Variants in DPP10 observed in about 807,000 individuals in gnomAD.
The protein encoded by DPP10 is dipeptidyl peptidase like 10.
In DPP10, 33 loss-of-function variants were observed where a neutral mutation model predicts 120.9. That is an observed-to-expected ratio of 0.27 (90% confidence interval 0.21 to 0.37). The LOEUF is 0.37. Among genes scored for constraint, DPP10 ranks in the 10% least tolerant of loss-of-function variants. DPP10 has a pLI of 1.00. For synonymous variants in DPP10, 337 were observed against 326.1 expected (o/e 1.03, Z -0.36); for missense variants, 816 against 942.8 (o/e 0.87, Z 1.76).
chr2:115,489,463 T>G (rs2075976883), intron 3 of DPP10, among the ~76,000 whole-genome samples: 1 of 152,000 alleles, frequency 6.6e-6, no homozygotes, highest in African/African-American at 2.4e-5. Context: ...CTTTTGGAAT[T>G]TAAGCACAAC....
chr2:114,593,045 C>A (rs978610831), intron 1 of DPP10, among the ~76,000 whole-genome samples: 4 of 152,126 alleles, frequency 2.6e-5, no homozygotes, highest in Admixed American at 6.6e-5. Context: ...CAAAAAAATG[C>A]TTTTTCTCTC....
In DPP10 at chr2:114,848,579, G is replaced by A. The variant is rs1232421135; in HGVS notation, c.60+405741G>A. Among the ~76,000 whole-genome samples, 7 of 152,114 alleles carry A rather than the reference G, an allele frequency of 4.6e-5. No homozygotes were observed. The South Asian group carries it at 8.3e-4, about 18-fold the overall frequency. ...ATATTTCACATTTTTGAGATTCAAC[G>A]ACATTGAATCACATAGATACGACTA... On this transcript the variant is annotated intron_variant, in intron 1 of 25. Coordinates refer to ENST00000410059, the MANE Select transcript of DPP10 (RefSeq NM_020868.6).
chr2:114,664,127 T>C (rs1697707733), intron 1 of DPP10, among the ~76,000 whole-genome samples: 1 of 152,054 alleles, frequency 6.6e-6, no homozygotes, highest in African/African-American at 2.4e-5. Flanking sequence ...CATGAGAAAC[T>C]GAATTTCAAT....
At chr2:115,823,790 T>C (rs1688041145) in intron 21 of DPP10, among the ~76,000 whole-genome samples, 2 of 152,204 alleles carry the variant, frequency 1.3e-5, no homozygotes, top group African/African-American at 2.4e-5. Flanking sequence ...GCCATAAATA[T>C]GTTGTTCTCA....
chr2:115,555,833 A>G (rs2008497), intron 5 of DPP10, among the ~76,000 whole-genome samples: 147,277 of 152,030 alleles, frequency 0.97, 71,510 homozygotes, highest in East Asian at 1. Context: ...AATAAATCGT[A>G]TAACCTATTA....
chr2:115,153,487 C>T (rs13420569), intron 1 of DPP10, among the ~76,000 whole-genome samples: 14,180 of 152,184 alleles, frequency 0.093, 2,188 homozygotes, highest in African/African-American at 0.32. Flanking sequence ...CTTCTGCATT[C>T]GCTCACATAG....
intron 1 of DPP10, among the ~76,000 whole-genome samples, chr2:115,184,619 G>A (rs1310832466): frequency 1.3e-5 from 2 of 152,156 alleles, no homozygotes; most frequent in African/African-American, 4.8e-5. Context: ...AATGACCCAG[G>A]CTAATATTGG....
intron 1 of DPP10, among the ~76,000 whole-genome samples, chr2:114,497,019 A>G (rs1017915847): frequency 6.7e-6 from 1 of 149,640 alleles, no homozygotes; most frequent in African/African-American, 2.4e-5. Flanking sequence ...TAATATGTAT[A>G]TATGTGTGTA....
rs141894767 is a variant in DPP10, at chr2:114,640,316, G to A, written c.60+197478G>A. ...GTCAGAGAAGGTCATACCCTATTTG[G>A]CTTTTGCTGTTGTAATCTTAGAATC... On this transcript the variant is annotated intron_variant, in intron 1 of 25. Transcript: ENST00000410059. Among the ~76,000 whole-genome samples, 123 of 151,938 alleles carry A rather than the reference G, an allele frequency of 8.1e-4. 1 individual carries two copies. Among genetic ancestry groups the A allele is most frequent in the Non-Finnish European group, 1.1e-3 (77 of 68,012 alleles).
intron 3 of DPP10, among the ~76,000 whole-genome samples, chr2:115,395,623 C>T (rs2067627343): frequency 6.6e-6 from 1 of 152,162 alleles, no homozygotes; most frequent in African/African-American, 2.4e-5. Flanking sequence ...TGTTTTCCCA[C>T]CTTCTTCTCT....
intron 1 of DPP10, among the ~76,000 whole-genome samples, chr2:114,794,031 G>A (rs1558747808): frequency 6.6e-6 from 1 of 152,108 alleles, no homozygotes; most frequent in African/African-American, 2.4e-5. Context: ...TGTATCCAAT[G>A]CTCTGAAACT....
intron 1 of DPP10, among the ~76,000 whole-genome samples, chr2:114,532,294 T>TACACAC (rs1445405855): frequency 3.3e-4 from 22 of 65,942 alleles, no homozygotes; most frequent in South Asian, 5.8e-4. Context: ...TATATATATA[T>TACACAC]ATACACACAC....
intron 5 of DPP10, among the ~76,000 whole-genome samples, chr2:115,689,300 T>C (rs2091179802): frequency 6.6e-6 from 1 of 152,104 alleles, no homozygotes; most frequent in African/African-American, 2.4e-5. Flanking sequence ...TAATTTGAAG[T>C]ATAGACGATG....
chr2:115,232,289 C>G (rs1302858733), intron 1 of DPP10, among the ~76,000 whole-genome samples: 2 of 150,988 alleles, frequency 1.3e-5, no homozygotes, highest in Non-Finnish European at 2.9e-5. Context: ...ATAGTTACTA[C>G]TAAGAGAAAT....
chr2:114,780,805 T>C (rs1682254913), intron 1 of DPP10, among the ~76,000 whole-genome samples: 1 of 152,134 alleles, frequency 6.6e-6, no homozygotes, highest in African/African-American at 2.4e-5. Context: ...TAATGAATTT[T>C]TATCTTTAGT....
intron 1 of DPP10, among the ~76,000 whole-genome samples, chr2:114,827,367 G>T (rs1686648433): frequency 1.3e-5 from 2 of 151,832 alleles, no homozygotes; most frequent in African/African-American, 4.9e-5. Flanking sequence ...CTATGTAGGA[G>T]AAAGACAACT....
intron 1 of DPP10, among the ~76,000 whole-genome samples, chr2:114,582,700 G>C (rs1427072661): frequency 6.6e-6 from 1 of 152,114 alleles, no homozygotes; most frequent in Admixed American, 6.5e-5. Flanking sequence ...ATGATGTAGA[G>C]CCTGTTTTCA....
At position 115,813,418 on chromosome 2, in the gene DPP10, T is replaced by C. The variant is rs1002123973; in HGVS notation, c.1701-1375T>C. ...GTAACTGTGCACCTCTAGAGTCTTT[T>C]GTGTGTGCAAATTTCCTCTTCTTTA... On this transcript the variant is annotated intron_variant, in intron 19 of 25. Coordinates refer to ENST00000410059, the MANE Select transcript of DPP10 (RefSeq NM_020868.6). Among the ~76,000 whole-genome samples the C allele has an allele frequency of 2.6e-5, 4 of 152,294 alleles. No individual in the cohort carries two copies. In the East Asian group the frequency reaches 7.7e-4, roughly 29 times the overall value.
At chr2:115,483,671 A>G (rs2105289768) in intron 3 of DPP10, among the ~76,000 whole-genome samples, 1 of 152,112 alleles carries the variant, frequency 6.6e-6, no homozygotes, top group East Asian at 1.9e-4. Context: ...TAAAAAATGT[A>G]CTCTCCACAT....
Sources: allele counts gnomAD v4.1 joint callset (sites outside exome capture counted in the v4.1 genomes callset), GRCh38; gene constraint gnomAD v4.1.1; transcripts MANE v1.5; gene names NCBI Gene and HGNC (gene_info 2026-07-23, HGNC 2026-07-21).